Variants in MICU1 observed in about 807,000 individuals in gnomAD.
MICU1 encodes the protein calcium uptake protein 1, mitochondrial.
A neutral mutation model predicts 56.8 loss-of-function variants in MICU1; 45 were observed. The observed-to-expected ratio is 0.79, with a 90% CI of 0.62 to 1.02. The LOEUF is 1.02. Among genes scored for constraint, MICU1 ranks in the 50% least tolerant of loss-of-function variants. The pLI, the probability that MICU1 is intolerant of heterozygous loss-of-function variation, is 0.00. For synonymous variants in MICU1, 186 were observed against 195.1 expected, an observed-to-expected ratio of 0.95 and a Z score of 0.39; for missense variants, 504 against 587.1, an observed-to-expected ratio of 0.86 and a Z score of 1.46.
At chr10:72,582,986 G>C (rs932605644) in intron 1 of MICU1, 1 of 152,208 alleles carries the variant, frequency 6.6e-6, no homozygotes, top group Middle Eastern at 3.1e-3. Context: ...GGCCAGGTTA[G>C]AAACAGAGCA....
At chr10:72,606,699 A>C (rs1356670091) in intron 1 of MICU1, among the ~76,000 whole-genome samples, 4 of 152,044 alleles carry the variant, frequency 2.6e-5, no homozygotes, top group African/African-American at 9.6e-5. Flanking sequence ...TAATGAGATG[A>C]CTGATGGTAG....
At chr10:72,383,819 A>G (rs947646050) in intron 10 of MICU1, among the ~76,000 whole-genome samples, 4 of 151,914 alleles carry the variant, frequency 2.6e-5, no homozygotes, top group Non-Finnish European at 5.9e-5. Context: ...TTTTTTTGAG[A>G]CAGGGTCTTG....
rs71021511 is a variant in MICU1, at chr10:72,586,013, C to CTTTTTTTTTTTTTTTTTTTT, written c.-1-19220_-1-19219insAAAAAAAAAAAAAAAAAAAA. Among the ~76,000 whole-genome samples, 35 of 74,680 alleles carry CTTTTTTTTTTTTTTTTTTTT rather than the reference C, an allele frequency of 4.7e-4. 1 individual carries two copies. The highest frequency in any genetic ancestry group is 8.7e-4 in the East Asian group (2 of 2,296). The allele number at this position is 74,680 out of a possible 152,430, so 49.0% of individuals were successfully genotyped here. ...GTTTTTATTTTTTCTTTTTTTTTTT[C>CTTTTTTTTTTTTTTTTTTTT]TTTTTTTTTTTTTTTTTTTGAGACA... On this transcript the variant is annotated intron_variant, in intron 1 of 11. Coordinates refer to ENST00000361114, the MANE Select transcript of MICU1 (RefSeq NM_001195518.2).
At chr10:72,448,193 A>ATAT (rs1172704084) in intron 8 of MICU1, among the ~76,000 whole-genome samples, 601 of 36,932 alleles carry the variant, frequency 0.016, 26 homozygotes, top group Non-Finnish European at 0.022. Context: ...ATATATATAT[A>ATAT]TTTTTTTTTT....
chr10:72,498,316 T>A (rs1484325237), intron 6 of MICU1, among the ~76,000 whole-genome samples: 8 of 152,164 alleles, frequency 5.3e-5, no homozygotes, highest in Non-Finnish European at 1.2e-4. Flanking sequence ...CCGGGCACAG[T>A]GGCTCACACC....
At chr10:72,569,531 G>A (rs922256930) in intron 1 of MICU1, among the ~76,000 whole-genome samples, 2 of 151,430 alleles carry the variant, frequency 1.3e-5, no homozygotes, top group Admixed American at 6.6e-5. Flanking sequence ...CACCACACCC[G>A]GCCTAAAATT....
intron 4 of MICU1, among the ~76,000 whole-genome samples, chr10:72,535,740 G>A (rs1839616347): frequency 6.6e-6 from 1 of 152,168 alleles, no homozygotes; most frequent in Non-Finnish European, 1.5e-5. Context: ...TGTCTCACAA[G>A]TAAAACTTGG....
At chr10:72,480,352 C>A (rs1866254228) in intron 6 of MICU1, among the ~76,000 whole-genome samples, 1 of 152,132 alleles carries the variant, frequency 6.6e-6, no homozygotes, top group Non-Finnish European at 1.5e-5. Flanking sequence ...ACGGGATCTG[C>A]TAAATTTAAG....
intron 1 of MICU1, among the ~76,000 whole-genome samples, chr10:72,568,509 G>A (rs1441160137): frequency 6.6e-6 from 1 of 152,000 alleles, no homozygotes; most frequent in East Asian, 1.9e-4. Context: ...TCCATCGAGG[G>A]AAGACCATGT....
chr10:72,512,514 C>A (rs142906127), intron 5 of MICU1, among the ~76,000 whole-genome samples: 1 of 152,126 alleles, frequency 6.6e-6, no homozygotes, highest in Non-Finnish European at 1.5e-5. Context: ...CCAAACCCCA[C>A]TGTATGTATA....
intron 4 of MICU1, among the ~76,000 whole-genome samples, chr10:72,541,744 G>A (rs1839778150): frequency 6.6e-6 from 1 of 152,070 alleles, no homozygotes; most frequent in South Asian, 2.1e-4. Flanking sequence ...TCTCTTTACT[G>A]CAATACAGCT....
At chr10:72,501,978 A>G (rs764130414) in intron 6 of MICU1, among the ~76,000 whole-genome samples, 13 of 152,168 alleles carry the variant, frequency 8.5e-5, no homozygotes, top group Non-Finnish European at 1.5e-4. Context: ...CAAGAAAAAA[A>G]CCCACATGAT....
rs1840027040 is a variant in MICU1, at chr10:72,551,212, G to C, written c.460C>G (p.Arg154Gly). 6.2e-7 allele frequency: 1 copy of C among 1,606,412 alleles called. No homozygotes were observed. Among genetic ancestry groups the C allele is most frequent in the Non-Finnish European group, 8.5e-7 (1 of 1,176,348 alleles). ...EVFMTPEDFV[R>G]SITPNEKQPE... is the part of the protein sequence containing the mutation. ...TGTTTTTCATTGGGTGTTATGGATC[G>C]CACAAAATCTTCTGGTGTCATAAAC... The change falls in exon 4 of 12, where the codon CGA (arginine) becomes GGA (glycine). Residue 154 changes from arginine (R) to glycine (G), a missense_variant. By Grantham distance (125) the Arg-to-Gly change is moderately radical. Transcript: ENST00000361114.
intron 8 of MICU1, among the ~76,000 whole-genome samples, chr10:72,438,902 T>C (rs1864825129): frequency 6.6e-6 from 1 of 152,196 alleles, no homozygotes; most frequent in Non-Finnish European, 1.5e-5. Context: ...ATTCAGGCAA[T>C]AATTAATAGC....
At chr10:72,567,135 GC>G (rs1430349869) in intron 1 of MICU1, among the ~76,000 whole-genome samples, 1 of 151,966 alleles carries the variant, frequency 6.6e-6, no homozygotes, top group African/African-American at 2.4e-5. Context: ...GATCATTTGA[GC>G]CCAGGAGTTG....
At chr10:72,543,732 G>A (rs2132429301) in intron 4 of MICU1, among the ~76,000 whole-genome samples, 1 of 152,142 alleles carries the variant, frequency 6.6e-6, no homozygotes, top group Admixed American at 6.6e-5. Flanking sequence ...GCAGGCGCCT[G>A]TAGTCCCAGC....
chr10:72,518,474 AT>A (rs1460677459), intron 5 of MICU1, among the ~76,000 whole-genome samples: 2 of 152,160 alleles, frequency 1.3e-5, no homozygotes, highest in Admixed American at 1.3e-4. Context: ...TAAGAAAGAA[AT>A]TTTTTAATAT....
intron 1 of MICU1, among the ~76,000 whole-genome samples, chr10:72,611,784 T>C (rs1169102244): frequency 6.6e-6 from 1 of 151,904 alleles, no homozygotes; most frequent in Non-Finnish European, 1.5e-5. Flanking sequence ...AAAATTTCAG[T>C]ATGAGAGGGA....
chr10:72,430,039 A>G (rs1864475454), intron 8 of MICU1, among the ~76,000 whole-genome samples: 1 of 152,212 alleles, frequency 6.6e-6, no homozygotes, highest in African/African-American at 2.4e-5. Context: ...GAAAGCTTAT[A>G]GTCAAGTTTG....
Sources: gnomAD v4.1 joint callset for allele counts (sites outside exome capture counted in the v4.1 genomes callset) on GRCh38, gnomAD v4.1.1 for gene constraint, MANE v1.5 for transcripts, NCBI Gene and HGNC (gene_info 2026-07-23, HGNC 2026-07-21) for gene names.